Variants in TAFA4 observed in about 807,000 individuals in gnomAD.
The protein encoded by TAFA4 is chemokine-like protein TAFA-4.
Under a neutral mutation model 21.1 loss-of-function variants are expected in TAFA4, and 20 were observed. The observed-to-expected ratio is 0.95, with a 90% CI of 0.67 to 1.38. The LOEUF (loss-of-function observed/expected upper bound fraction) is 1.38, where lower values mean the gene tolerates loss of function less well. Ranked by LOEUF, TAFA4 falls within the 40% of genes most tolerant of loss-of-function variation. The pLI is 0.00. For missense variants in TAFA4, 211 were observed against 180.9 expected (o/e 1.17, Z -0.95); for synonymous variants, 71 against 67.4 (o/e 1.05, Z -0.26).
chr3:68,791,135 T>C (rs1703353512), intron 3 of TAFA4, among the ~76,000 whole-genome samples: 1 of 152,230 alleles, frequency 6.6e-6, no homozygotes, highest in South Asian at 2.1e-4. Context: ...CTAGTCACAC[T>C]GTCCATGCTC....
chr3:68,819,369 C>T (rs1226954985), intron 3 of TAFA4, among the ~76,000 whole-genome samples: 1 of 149,898 alleles, frequency 6.7e-6, no homozygotes, highest in Admixed American at 6.6e-5. Context: ...TCTTGTCTAA[C>T]TGCTCTGTCT....
chr3:68,757,985 G>C (rs907502315), intron 3 of TAFA4, among the ~76,000 whole-genome samples: 1 of 152,026 alleles, frequency 6.6e-6, no homozygotes, highest in Non-Finnish European at 1.5e-5. Flanking sequence ...GGTAGGTACT[G>C]TTTTTTACTC....
intron 3 of TAFA4, among the ~76,000 whole-genome samples, chr3:68,859,821 A>G (rs547307532): frequency 1.3e-5 from 2 of 152,274 alleles, no homozygotes; most frequent in South Asian, 4.1e-4. Flanking sequence ...AATATCCACC[A>G]ATTGCACGCC....
intron 3 of TAFA4, among the ~76,000 whole-genome samples, chr3:68,815,261 C>T (rs1481024656): frequency 1.3e-5 from 2 of 152,128 alleles, no homozygotes; most frequent in African/African-American, 2.4e-5. Context: ...TGGGCAAGGA[C>T]TTCATGTCTA....
At chr3:68,849,517 C>T (rs1704892117) in intron 3 of TAFA4, among the ~76,000 whole-genome samples, 1 of 152,120 alleles carries the variant, frequency 6.6e-6, no homozygotes, top group South Asian at 2.1e-4. Context: ...CCAGCTGAGC[C>T]CAGCATTCCA....
intron 1 of TAFA4, among the ~76,000 whole-genome samples, chr3:68,917,432 CCT>C (rs901125732): frequency 3.9e-5 from 6 of 151,942 alleles, no homozygotes; most frequent in African/African-American, 9.7e-5. Context: ...GACCTCCCCC[CCT>C]GTGTGTCAGT....
intron 1 of TAFA4, among the ~76,000 whole-genome samples, chr3:68,896,066 G>C (rs1321988792): frequency 6.6e-6 from 1 of 152,112 alleles, no homozygotes. Flanking sequence ...AAATAAGCTT[G>C]GTGTGTTCAG....
chr3:68,925,708 A>G (rs2090101091), intron 1 of TAFA4, among the ~76,000 whole-genome samples: 1 of 152,216 alleles, frequency 6.6e-6, no homozygotes, highest in Admixed American at 6.5e-5. Context: ...TAGCCATGAA[A>G]AAGAATGACA....
chr3:68,753,745 G>C (rs1050159543), intron 3 of TAFA4, among the ~76,000 whole-genome samples: 5 of 152,180 alleles, frequency 3.3e-5, no homozygotes, highest in African/African-American at 4.8e-5. Flanking sequence ...AGGTGCCATT[G>C]CTGGCTTGAA....
chr3:68,775,501 C>A (rs1575603675), intron 3 of TAFA4, among the ~76,000 whole-genome samples: 1 of 152,100 alleles, frequency 6.6e-6, no homozygotes, highest in Admixed American at 6.6e-5. Flanking sequence ...AGAAACAGTA[C>A]CCCTGTTCCC....
chr3:68,886,420 T>C (rs2089672959), intron 1 of TAFA4, among the ~76,000 whole-genome samples: 1 of 152,242 alleles, frequency 6.6e-6, no homozygotes, highest in Non-Finnish European at 1.5e-5. Context: ...ATTAAGTGTG[T>C]TTGTCCTTAC....
At chr3:68,745,600 G>C (rs1219759796) in intron 4 of TAFA4, among the ~76,000 whole-genome samples, 4 of 152,190 alleles carry the variant, frequency 2.6e-5, no homozygotes, top group Non-Finnish European at 5.9e-5. Context: ...TAATGCTGTT[G>C]TCGAGGTGAA....
At chr3:68,798,186 G>A (rs1317324191) in intron 3 of TAFA4, among the ~76,000 whole-genome samples, 1 of 152,138 alleles carries the variant, frequency 6.6e-6, no homozygotes, top group Non-Finnish European at 1.5e-5. Context: ...AAATTTACTT[G>A]ATGCAATTGG....
chr3:68,772,131 T>C (rs1016444387), intron 3 of TAFA4, among the ~76,000 whole-genome samples: 17 of 152,154 alleles, frequency 1.1e-4, no homozygotes, highest in African/African-American at 3.4e-4. Context: ...ATGAGCTTTA[T>C]GGAAGCAAGA....
chr3:68,754,257 C>G (rs778942533), intron 3 of TAFA4, among the ~76,000 whole-genome samples: 1 of 152,186 alleles, frequency 6.6e-6, no homozygotes, highest in East Asian at 1.9e-4. Flanking sequence ...TTGCCAATGT[C>G]CCAATAATGC....
At chr3:68,824,258 T>G (rs557865556) in intron 3 of TAFA4, among the ~76,000 whole-genome samples, 2 of 152,390 alleles carry the variant, frequency 1.3e-5, no homozygotes, top group Admixed American at 6.5e-5. Flanking sequence ...TGGTTCTACA[T>G]GTCACAAGTC....
intron 1 of TAFA4, among the ~76,000 whole-genome samples, chr3:68,889,127 G>C (rs2089705977): frequency 6.6e-6 from 1 of 152,126 alleles, no homozygotes; most frequent in African/African-American, 2.4e-5. Flanking sequence ...GAAAGACATT[G>C]CCCATATCTA....
At chr3:68,925,687 A>G (rs1355568083) in intron 1 of TAFA4, among the ~76,000 whole-genome samples, 1 of 152,228 alleles carries the variant, frequency 6.6e-6, no homozygotes, top group East Asian at 1.9e-4. Flanking sequence ...ATTTTTAGGT[A>G]GAATAACATA....
At chr3:68,924,507 T>C (rs1300032590) in intron 1 of TAFA4, among the ~76,000 whole-genome samples, 2 of 152,140 alleles carry the variant, frequency 1.3e-5, no homozygotes, top group African/African-American at 4.8e-5. Context: ...GTTTCATGGG[T>C]ACAGAGTTCA....
Sources: gnomAD v4.1 joint callset for allele counts (sites outside exome capture counted in the v4.1 genomes callset) on GRCh38, gnomAD v4.1.1 for gene constraint, MANE v1.5 for transcripts, NCBI Gene and HGNC (gene_info 2026-07-23, HGNC 2026-07-21) for gene names.